The following AGBL4 variants were observed in gnomAD, a reference collection of about 807,000 sequenced individuals.
AGBL4 encodes the protein cytosolic carboxypeptidase 6.
Under a neutral mutation model 66.4 loss-of-function variants are expected in AGBL4, and 58 were observed. That is an observed-to-expected ratio of 0.87 (90% CI 0.71 to 1.09). AGBL4 has a LOEUF of 1.09. Ranked by LOEUF, AGBL4 falls within the 50% of genes least tolerant of loss-of-function variation. The pLI, the probability that AGBL4 is intolerant of heterozygous loss-of-function variation, is 0.00. For synonymous variants in AGBL4, 234 were observed against 222.9 expected, an observed-to-expected ratio of 1.05 and a Z score of -0.44; for missense variants, 579 against 631.0, an observed-to-expected ratio of 0.92 and a Z score of 0.88.
chr1:48,619,318 T>C (rs746678197), intron 9 of AGBL4, among the ~76,000 whole-genome samples: 2 of 152,174 alleles, frequency 1.3e-5, no homozygotes, highest in Non-Finnish European at 2.9e-5. Context: ...AACAAGCACG[T>C]AAACAGATTA....
At chr1:49,911,232 T>C (rs947367577) in intron 1 of AGBL4, among the ~76,000 whole-genome samples, 8 of 152,062 alleles carry the variant, frequency 5.3e-5, no homozygotes, top group African/African-American at 1.9e-4. Flanking sequence ...AATAATGAGC[T>C]GGACTCGCGA....
intron 6 of AGBL4, among the ~76,000 whole-genome samples, chr1:48,664,628 T>TA: frequency 6.6e-6 from 1 of 152,266 alleles, no homozygotes; most frequent in South Asian, 2.1e-4. Flanking sequence ...CAGCATCCAA[T>TA]AAAAAATGAT....
intron 3 of AGBL4, among the ~76,000 whole-genome samples, chr1:49,688,474 A>C (rs12058022): frequency 3.3e-5 from 5 of 152,208 alleles, no homozygotes; most frequent in Admixed American, 3.3e-4. Flanking sequence ...TTATCCATTC[A>C]TCTGTTGACA....
At chr1:49,367,492 C>T (rs1644261874) in intron 3 of AGBL4, among the ~76,000 whole-genome samples, 1 of 152,206 alleles carries the variant, frequency 6.6e-6, no homozygotes, top group Non-Finnish European at 1.5e-5. Flanking sequence ...GCTTGCAAAA[C>T]TGTGAGTCAA....
chr1:49,885,617 A>C (rs1307684816), intron 1 of AGBL4, among the ~76,000 whole-genome samples: 2 of 152,114 alleles, frequency 1.3e-5, no homozygotes, highest in Non-Finnish European at 2.9e-5. Context: ...AGGATGTTTC[A>C]ATTACCAAAT....
chr1:49,425,793 G>A (rs1645644349), intron 3 of AGBL4, among the ~76,000 whole-genome samples: 1 of 152,214 alleles, frequency 6.6e-6, no homozygotes, highest in Admixed American at 6.5e-5. Context: ...GTTGAAGCCA[G>A]TATAGGAAGA....
At chr1:49,636,175 A>G (rs1333298038) in intron 3 of AGBL4, among the ~76,000 whole-genome samples, 1 of 152,238 alleles carries the variant, frequency 6.6e-6, no homozygotes. Flanking sequence ...ATAACAAAAT[A>G]TAACAGAGTG....
chr1:48,655,580 T>G (rs771906386), intron 7 of AGBL4, among the ~76,000 whole-genome samples: 1 of 152,238 alleles, frequency 6.6e-6, no homozygotes, highest in Non-Finnish European at 1.5e-5. Context: ...TCTGGAAGAC[T>G]GTTGTGTACC....
rs1645351808 is a variant in AGBL4, at chr1:48,783,796, G to A, written c.634+83395C>T. Among the ~76,000 whole-genome samples, 8 of 152,234 alleles carry A rather than the reference G, an allele frequency of 5.3e-5. No homozygotes were observed. In the South Asian group the frequency reaches 1.7e-3, roughly 32 times the overall value. ...TTTTTGTTGTTTTTTAATTCCCAGA[G>A]TCTTCTAACATGAGACGAAGTTGAG... On this transcript the variant is annotated intron_variant, in intron 6 of 13. Coordinates refer to ENST00000371839, the MANE Select transcript of AGBL4 (RefSeq NM_032785.4).
At chr1:49,489,062 G>A (rs568725750) in intron 3 of AGBL4, among the ~76,000 whole-genome samples, 111 of 152,004 alleles carry the variant, frequency 7.3e-4, no homozygotes, top group African/African-American at 2.5e-3. Flanking sequence ...TAGTGGAATT[G>A]CTGGATCATA....
At chr1:49,293,402 C>T (rs1644581352) in intron 3 of AGBL4, among the ~76,000 whole-genome samples, 2 of 152,160 alleles carry the variant, frequency 1.3e-5, no homozygotes, top group South Asian at 2.1e-4. Context: ...GGCAAAGGTG[C>T]CACTGGTCAC....
intron 4 of AGBL4, among the ~76,000 whole-genome samples, chr1:49,210,021 A>G (rs1261185812): frequency 6.6e-6 from 1 of 152,128 alleles, no homozygotes; most frequent in Non-Finnish European, 1.5e-5. Context: ...TTTATGTTCA[A>G]GTGAAAAGTG....
intron 2 of AGBL4, among the ~76,000 whole-genome samples, chr1:49,731,834 C>T (rs553232294): frequency 3.9e-5 from 6 of 152,106 alleles, no homozygotes; most frequent in African/African-American, 7.2e-5. Context: ...CAATTGTAAA[C>T]GTGAATATAC....
intron 3 of AGBL4, among the ~76,000 whole-genome samples, chr1:49,336,655 T>C (rs1645442999): frequency 6.6e-6 from 1 of 152,242 alleles, no homozygotes. Flanking sequence ...TTTAAATCTT[T>C]CATCAGTCCT....
chr1:49,995,521 C>T (rs1025101180), intron 1 of AGBL4: 11 of 339,900 alleles, frequency 3.2e-5, no homozygotes, highest in South Asian at 1.7e-4. Flanking sequence ...TGAGCTAAAA[C>T]ATGCCTAACC....
intron 3 of AGBL4, among the ~76,000 whole-genome samples, chr1:49,557,540 T>C (rs1291125483): frequency 6.6e-6 from 1 of 152,060 alleles, no homozygotes; most frequent in Non-Finnish European, 1.5e-5. Context: ...AAAGGAAAAC[T>C]GGACCAAACT....
At chr1:48,706,028 T>A (rs527806870) in intron 6 of AGBL4, among the ~76,000 whole-genome samples, 35 of 152,252 alleles carry the variant, frequency 2.3e-4, no homozygotes, top group African/African-American at 8.2e-4. Context: ...ACTTAGGCAA[T>A]TAAAAAGTAT....
intron 5 of AGBL4, among the ~76,000 whole-genome samples, chr1:48,901,023 TA>T (rs149577662): frequency 0.49 from 73,817 of 151,918 alleles, 21,564 homozygotes; most frequent in Non-Finnish European, 0.67. Flanking sequence ...AATGAAATAA[TA>T]AAAAAAGCAA....
chr1:48,653,592 T>C (rs1364115931), intron 7 of AGBL4, 141 bp from the exon 8 acceptor site: 7 of 631,260 alleles, frequency 1.1e-5, no homozygotes, highest in Non-Finnish European at 2.0e-5. Flanking sequence ...TGTGTGGTTA[T>C]AGACTACGCG....
Sources: allele counts gnomAD v4.1 joint callset (sites outside exome capture counted in the v4.1 genomes callset), GRCh38; gene constraint gnomAD v4.1.1; transcripts MANE v1.5; gene names NCBI Gene and HGNC (gene_info 2026-07-23, HGNC 2026-07-21).